The following ATP10D variants were observed in gnomAD, a reference collection of about 807,000 sequenced individuals.
ATP10D encodes phospholipid-transporting ATPase VD.
In ATP10D, 89 loss-of-function variants were observed where a neutral mutation model predicts 144.8. The ratio of observed to expected loss-of-function variants is 0.61; its 90% CI spans 0.52 to 0.73. ATP10D has a LOEUF of 0.73. ATP10D is among the 30% of genes least tolerant of loss of function. The probability of loss-of-function intolerance (pLI) is 0.00; values close to 1 mark genes in which losing one functional copy is unlikely to be tolerated. For synonymous variants in ATP10D, 571 were observed against 615.1 expected (o/e 0.93, Z 1.06); for missense variants, 1,603 against 1,714.8 (o/e 0.93, Z 1.15).
chr4:47,485,694 A>G (rs1714715489), intron 1 of ATP10D, among the ~76,000 whole-genome samples, 175 bp downstream of exon 1: 1 of 152,142 alleles, frequency 6.6e-6, no homozygotes, highest in South Asian at 2.1e-4. Context: ...ACTAAAAAAA[A>G]AAAACAACAA....
intron 1 of ATP10D, among the ~76,000 whole-genome samples, chr4:47,495,962 C>T (rs1715342247): frequency 6.6e-6 from 1 of 151,586 alleles, no homozygotes; most frequent in South Asian, 2.1e-4. Context: ...GTCGCGAACT[C>T]CTGACCTGAG....
chr4:47,550,291 TA>T (rs1291602473), intron 10 of ATP10D, among the ~76,000 whole-genome samples: 2 of 152,150 alleles, frequency 1.3e-5, no homozygotes, highest in African/African-American at 4.8e-5. Flanking sequence ...ACATTTAAAT[TA>T]TATGAAATTT....
intron 1 of ATP10D, among the ~76,000 whole-genome samples, chr4:47,492,316 T>C (rs1042980079): frequency 6.6e-6 from 1 of 152,238 alleles, no homozygotes; most frequent in Non-Finnish European, 1.5e-5. Flanking sequence ...TTCTGCTAAT[T>C]GCTATTAGCA....
intron 4 of ATP10D, among the ~76,000 whole-genome samples, chr4:47,523,646 G>C (rs1717085537): frequency 6.6e-6 from 1 of 152,152 alleles, no homozygotes; most frequent in African/African-American, 2.4e-5. Context: ...AAGTTATATT[G>C]ACATAGGTTT....
At chr4:47,590,973 A>AG in intron 22 of ATP10D, 69 bp from the exon 23 acceptor site, 2 of 1,033,878 alleles carry the variant, frequency 1.9e-6, no homozygotes, top group African/African-American at 2.3e-5. Context: ...ATTCGTTAGT[A>AG]TTTGGGGGGG....
Position 47,488,042 on chromosome 4 carries a change from T to C in ATP10D, c.-38+2523T>C, listed in dbSNP as rs561052272. ...CTAAGTGATCTTGGGTCTAAAAATA[T>C]AGCCTAAGGAAATAATATGAATCGC... On this transcript the variant is annotated intron_variant, in intron 1 of 22. Coordinates refer to ENST00000273859, the MANE Select transcript of ATP10D (RefSeq NM_020453.4). Among the ~76,000 whole-genome samples, 3 of 152,288 alleles carry C rather than the reference T, an allele frequency of 2.0e-5. No homozygotes were observed. In the South Asian group the frequency reaches 6.2e-4, roughly 32 times the overall value.
chr4:47,584,995 T>A (rs1314383520), intron 21 of ATP10D, among the ~76,000 whole-genome samples: 2 of 152,192 alleles, frequency 1.3e-5, no homozygotes, highest in Non-Finnish European at 2.9e-5. Flanking sequence ...AAGCAGTGTT[T>A]CCCTAAAAAG....
At chr4:47,573,537 TA>T (rs1426747014) in intron 18 of ATP10D, among the ~76,000 whole-genome samples, 2 of 152,248 alleles carry the variant, frequency 1.3e-5, no homozygotes. Context: ...TATTTAATGA[TA>T]AAGGAACTAG....
chr4:47,513,334 A>C (rs903168437), intron 2 of ATP10D, among the ~76,000 whole-genome samples: 4 of 152,226 alleles, frequency 2.6e-5, no homozygotes, highest in Non-Finnish European at 5.9e-5. Context: ...CACTGAAGGA[A>C]ATGGAAGTGT....
chr4:47,550,337 G>T (rs556460800), intron 10 of ATP10D, among the ~76,000 whole-genome samples: 2 of 152,046 alleles, frequency 1.3e-5, no homozygotes, highest in Admixed American at 6.5e-5. Flanking sequence ...TATGAAAGCC[G>T]TTCAAAAGAT....
intron 13 of ATP10D, 105 bp downstream of exon 13, chr4:47,559,134 G>GTCCCCTGGACACTGGCTCTCTTTTT: frequency 1.3e-6 from 1 of 788,026 alleles, no homozygotes. Context: ...GCTGGGGAAA[G>GTCCCCTGGACACTGGCTCTCTTTTT]TCCCCTGGAC....
At position 47,563,709 on chromosome 4, in the gene ATP10D, G is replaced by A. The variant is rs754016049; in HGVS notation, c.2797G>A (p.Ala933Thr). The A allele has an allele frequency of 7.4e-6, 12 of 1,613,602 alleles. No individual in the cohort carries two copies. In the East Asian group the frequency reaches 2.2e-4, roughly 30 times the overall value. The change falls in exon 15 of 23, where the codon GCA becomes ACA. Residue 933 changes from alanine (A) to threonine (T), a missense_variant. Transcript: ENST00000273859. ...GGAGACAGCTGTCAACATAGCTTAT[G>A]CATGCAAACTACTGGAGCCAGATGA... ...KQETAVNIAY[A>T]CKLLEPDDKL...
At chr4:47,517,519 G>C (rs931307494) in intron 3 of ATP10D, among the ~76,000 whole-genome samples, 2 of 152,150 alleles carry the variant, frequency 1.3e-5, no homozygotes, top group Non-Finnish European at 1.5e-5. Flanking sequence ...GATTCTCTCA[G>C]TTAGCTGTGC....
chr4:47,569,247 C>T, intron 16 of ATP10D, 101 bp downstream of exon 16: 1 of 1,358,586 alleles, frequency 7.4e-7, no homozygotes, highest in East Asian at 2.4e-5. Context: ...TTCCATTTTC[C>T]TCCTCCCTTT....
At chr4:47,487,291 GA>G (rs987961714) in intron 1 of ATP10D, among the ~76,000 whole-genome samples, 2 of 151,244 alleles carry the variant, frequency 1.3e-5, no homozygotes, top group African/African-American at 4.9e-5. Flanking sequence ...AAAACGAAGG[GA>G]AATGCTCAAA....
intron 10 of ATP10D, among the ~76,000 whole-genome samples, chr4:47,553,012 A>C (rs1560440848): frequency 6.6e-6 from 1 of 152,242 alleles, no homozygotes; most frequent in Admixed American, 6.5e-5. Context: ...CCATGTTAAC[A>C]TTCAGAGAAG....
At chr4:47,509,952 GT>G (rs1716229141) in intron 1 of ATP10D, among the ~76,000 whole-genome samples, 1 of 134,012 alleles carries the variant, frequency 7.5e-6, no homozygotes, top group Non-Finnish European at 1.6e-5. Context: ...GGGTGTGTGT[GT>G]GTGTGTGTGT....
chr4:47,508,083 C>A (rs1189393303), intron 1 of ATP10D, among the ~76,000 whole-genome samples: 1 of 152,190 alleles, frequency 6.6e-6, no homozygotes, highest in African/African-American at 2.4e-5. Flanking sequence ...GAGACTGTGA[C>A]TAACAGGGGC....
intron 1 of ATP10D, among the ~76,000 whole-genome samples, chr4:47,489,666 A>G (rs1457710649): frequency 6.6e-6 from 1 of 152,158 alleles, no homozygotes; most frequent in African/African-American, 2.4e-5. Context: ...TATTGTGTGT[A>G]CTTTTATGTT....
Sources: gnomAD v4.1 joint callset for allele counts (sites outside exome capture counted in the v4.1 genomes callset) on GRCh38, gnomAD v4.1.1 for gene constraint, MANE v1.5 for transcripts, NCBI Gene and HGNC (gene_info 2026-07-23, HGNC 2026-07-21) for gene names.